DCTN1: variants seen among roughly 807,000 people sequenced by gnomAD.
The protein encoded by DCTN1 is 150 kDa dynein-associated polypeptide.
In DCTN1, 61 loss-of-function variants were observed where a neutral mutation model predicts 161.2. That is an observed-to-expected ratio of 0.38 (90% CI 0.31 to 0.47). The LOEUF (loss-of-function observed/expected upper bound fraction) is 0.47. Among genes scored for constraint, DCTN1 ranks in the 20% least tolerant of loss-of-function variants. The probability of loss-of-function intolerance (pLI) is 0.99; values close to 1 mark genes in which losing one functional copy is unlikely to be tolerated. For missense variants in DCTN1, 1,404 were observed against 1,623.7 expected, an observed-to-expected ratio of 0.86 and a Z score of 2.33; for synonymous variants, 653 against 632.4, an observed-to-expected ratio of 1.03 and a Z score of -0.49.
intron 7 of DCTN1, 174 bp from the exon 8 acceptor site, chr2:74,371,902 T>G: frequency 4.9e-6 from 3 of 610,626 alleles, no homozygotes; most frequent in East Asian, 2.8e-5. Flanking sequence ...AGGAAAATGA[T>G]ACAGAGAGGC....
intron 31 of DCTN1, 49 bp downstream of exon 31, chr2:74,362,003 G>T: frequency 6.3e-7 from 1 of 1,585,782 alleles, no homozygotes. Flanking sequence ...AGGGGGGCCC[G>T]CCTGAGCTCT....
chr2:74,361,945 C>T (rs1573138097), intron 31 of DCTN1, 107 bp downstream of exon 31: 2 of 1,210,112 alleles, frequency 1.7e-6, no homozygotes, highest in East Asian at 2.4e-5. Context: ...CCAAGGTATG[C>T]AGTTGTTAGA....
rs1262382780 is a variant in DCTN1, at chr2:74,371,006, C to A, written c.816G>T (p.Leu272=). The A allele has an allele frequency of 1.2e-6, 2 of 1,614,142 alleles. No individual in the cohort carries two copies. Among genetic ancestry groups the A allele is most frequent in the South Asian group, 1.1e-5 (1 of 91,082 alleles). Residue 272 remains leucine (L), a synonymous_variant, in exon 9 of 32, where the codon CTG becomes CTT. Transcript: ENST00000628224. ...TTCTCGCCTCCTTGAGGCGCCGCTG[C>A]AGGTCGGCCTGCTGCTCCTGCATTT... is the stretch of plus-strand genomic sequence containing the variant. ...KSKMQEQQAD[L]QRRLKEARKE... is the part of the protein sequence containing the mutation.
chr2:74,384,984 G>C (rs558466915), upstream of DCTN1: 1 of 152,336 alleles, frequency 6.6e-6, no homozygotes, highest in Admixed American at 6.5e-5. Context: ...TGGAAAGCTG[G>C]ATTCCAGATA....
chr2:74,371,942 A>G (rs992294205), intron 7 of DCTN1: 4 of 567,962 alleles, frequency 7.0e-6, no homozygotes, highest in Admixed American at 6.1e-5. Flanking sequence ...GGACAGGGGG[A>G]GGATGGAGGC....
At chr2:74,387,253 T>A (rs1675773292) in intron 1 of DCTN1, among the ~76,000 whole-genome samples, 1 of 152,236 alleles carries the variant, frequency 6.6e-6, no homozygotes, top group African/African-American at 2.4e-5. Context: ...CCTAGCTTCC[T>A]GGGCAACATT....
At chr2:74,366,699 C>A (rs1158272190) in intron 21 of DCTN1, 79 bp from the exon 22 acceptor site, 57 of 1,613,984 alleles carry the variant, frequency 3.5e-5, no homozygotes, top group Admixed American at 5.0e-5. Context: ...CATTTTTGTC[C>A]CCTAACCAGA....
In DCTN1 at chr2:74,369,816, G is replaced by GAAAAAAAAAAAAA; in HGVS notation, c.1392+136_1392+148dup. On this transcript the variant is annotated intron_variant, in intron 13 of 31. Transcript: ENST00000628224. The surrounding 1 kb of genome is among the most constrained non-coding windows in gnomAD (Gnocchi z 4.9). ...GGCAACAGAGCGAGATTCCATCTCA[G>GAAAAAAAAAAAAA]AAAAAAAAAAAAAAAAAAAAGGCAG... 1 of 511,402 alleles carries GAAAAAAAAAAAAA rather than the reference G, an allele frequency of 2.0e-6. No individual in the cohort carries two copies. The allele number at this position is 511,402 out of a possible 1,614,324, so 31.7% of individuals were successfully genotyped here.
At chr2:74,372,789 C>G (rs1674955935) in intron 7 of DCTN1, 139 bp downstream of exon 7, 1 of 928,098 alleles carries the variant, frequency 1.1e-6, no homozygotes, top group Admixed American at 1.8e-5. Context: ...ACTGCGAACC[C>G]CCACCCTTTC....
intron 1 of DCTN1, among the ~76,000 whole-genome samples, chr2:74,388,963 G>T (rs1204928420): frequency 6.6e-6 from 1 of 152,108 alleles, no homozygotes; most frequent in Non-Finnish European, 1.5e-5. Context: ...ACTCCAGACA[G>T]AAGCCTAAGA....
intron 1 of DCTN1, chr2:74,390,568 A>G (rs1675946949): frequency 4.6e-6 from 2 of 431,030 alleles, no homozygotes; most frequent in African/African-American, 4.1e-5. Flanking sequence ...GAGATCTTGT[A>G]GTCCAGACTC....
intron 26 of DCTN1, chr2:74,364,774 G>C: frequency 2.3e-6 from 1 of 441,450 alleles, no homozygotes. Flanking sequence ...CTGGGATATA[G>C]GGCTGGGCAG....
intron 17 of DCTN1, 35 bp from the exon 18 acceptor site, chr2:74,367,899 T>C (rs758668355): frequency 1.1e-5 from 18 of 1,613,908 alleles, no homozygotes; most frequent in Non-Finnish European, 1.4e-5. Context: ...GAGGCTAGAG[T>C]CTGCCAGGCA....
rs528967206 is a variant in DCTN1 at position 74,377,873 on chromosome 2, C to T, written c.279+127G>A. On this transcript the variant is annotated intron_variant, in intron 2 of 31. Coordinates refer to ENST00000628224, the MANE Select transcript of DCTN1 (RefSeq NM_004082.5). ...GATGCATCTTCAATCTTCCCTCCCC[C>T]ACTACCTTCCACTCTCCCAACCAGA... The T allele has an allele frequency of 1.0e-4, 155 of 1,478,118 alleles. 1 individual carries two copies. In the South Asian group the frequency reaches 1.1e-3, roughly 11 times the overall value. The allele number at this position is 1,478,118 out of a possible 1,614,324, so 91.6% of individuals were successfully genotyped here.
chr2:74,373,085 C>A lies in DCTN1; in HGVS notation c.433-137G>T, dbSNP rs948881132. 1.8e-5 allele frequency: 14 copies of A among 763,500 alleles called. No homozygotes were observed. The East Asian group carries it at 1.9e-4, about 10-fold the overall frequency. The allele number at this position is 763,500 out of a possible 1,614,324, so 47.3% of individuals were successfully genotyped here. A position where few individuals can be genotyped will look rare whatever the true frequency, so the allele number is the denominator to read the frequency against. ...GGCTACAGTTAGCCACCCTCCCCCC[C>A]ATCCCATCCCCTTCTCCCTTCAGTG... On this transcript the variant is annotated intron_variant, in intron 6 of 31. Transcript: ENST00000628224.
chr2:74,365,784 T>C, intron 24 of DCTN1, 109 bp downstream of exon 24: 2 of 1,611,452 alleles, frequency 1.2e-6, no homozygotes, highest in Non-Finnish European at 1.7e-6. Context: ...CAGGCCCCAC[T>C]TCTCCCCTTA....
At chr2:74,379,893 G>A in intron 1 of DCTN1, 112 bp downstream of exon 1, 2 of 1,091,606 alleles carry the variant, frequency 1.8e-6, no homozygotes, top group South Asian at 2.6e-5. Context: ...CAGTCTGAGT[G>A]CCCTCAGCTG....
At chr2:74,374,930 C>T (rs1675136089) in intron 5 of DCTN1, among the ~76,000 whole-genome samples, 1 of 152,200 alleles carries the variant, frequency 6.6e-6, no homozygotes, top group African/African-American at 2.4e-5. Context: ...TCTATGGGGC[C>T]AGGGCATCAC....
intron 5 of DCTN1, among the ~76,000 whole-genome samples, chr2:74,375,785 G>A (rs1675187255): frequency 6.6e-6 from 1 of 152,120 alleles, no homozygotes; most frequent in Non-Finnish European, 1.5e-5. Flanking sequence ...CCAGCATGTG[G>A]TCTCTACCAT....
Sources: gnomAD v4.1 joint callset for allele counts (sites outside exome capture counted in the v4.1 genomes callset) on GRCh38, gnomAD v4.1.1 for gene constraint, Gnocchi (gnomAD v3.1) non-coding constraint, MANE v1.5 for transcripts, NCBI Gene and HGNC (gene_info 2026-07-23, HGNC 2026-07-21) for gene names.